Variants in FERMT2 observed in about 807,000 individuals in gnomAD.
The protein encoded by FERMT2 is fermitin family homolog 2.
FERMT2 carries 15 observed loss-of-function variants against 82.7 expected under a neutral mutation model. That is an observed-to-expected ratio of 0.18 (90% CI 0.12 to 0.28). FERMT2 has a LOEUF of 0.28. Among genes scored for constraint, FERMT2 ranks in the 10% least tolerant of loss-of-function variants. The pLI is 1.00. For synonymous variants in FERMT2, 274 were observed against 271.5 expected (o/e 1.01, Z -0.09); for missense variants, 645 against 809.4 (o/e 0.80, Z 2.46).
chr14:52,876,285 A>G (rs1885954668), intron 7 of FERMT2, among the ~76,000 whole-genome samples: 1 of 152,194 alleles, frequency 6.6e-6, no homozygotes, highest in Admixed American at 6.5e-5. Flanking sequence ...TTGTGCTGAA[A>G]TGAGATCTTA....
intron 7 of FERMT2, among the ~76,000 whole-genome samples, chr14:52,878,347 A>AT (rs922781274): frequency 8.5e-5 from 13 of 152,220 alleles, no homozygotes; most frequent in Admixed American, 7.2e-4. Context: ...AAATAGGATA[A>AT]TTTTTTTCCT....
intron 3 of FERMT2, among the ~76,000 whole-genome samples, chr14:52,912,084 G>C (rs1053082443): frequency 7.3e-5 from 11 of 151,406 alleles, no homozygotes; most frequent in Admixed American, 6.6e-4. Flanking sequence ...CGTGCTGCCA[G>C]CATGAGAAGA....
chr14:52,878,123 G>T (rs565102269), intron 7 of FERMT2, among the ~76,000 whole-genome samples: 1 of 152,172 alleles, frequency 6.6e-6, no homozygotes, highest in Non-Finnish European at 1.5e-5. Flanking sequence ...GGTTCCACTA[G>T]TCTCTCTAAA....
chr14:52,863,442 C>A (rs1382681843), intron 12 of FERMT2: 2 of 152,022 alleles, frequency 1.3e-5, no homozygotes, highest in African/African-American at 4.8e-5. Context: ...GTCTCCCCAC[C>A]CCCAAACTAA....
At chr14:52,923,764 G>C (rs1262423432) in intron 2 of FERMT2, among the ~76,000 whole-genome samples, 2 of 152,060 alleles carry the variant, frequency 1.3e-5, no homozygotes, top group African/African-American at 2.4e-5. Context: ...TTTTTACCCA[G>C]AGAAACTAGT....
intron 4 of FERMT2, among the ~76,000 whole-genome samples, chr14:52,889,210 G>A (rs997139833): frequency 2.0e-5 from 3 of 152,096 alleles, no homozygotes; most frequent in African/African-American, 4.8e-5. Context: ...TAGTGTTTTG[G>A]ACAAGAAGTT....
At chr14:52,938,522 A>G (rs1418251720) in intron 2 of FERMT2, among the ~76,000 whole-genome samples, 4 of 152,228 alleles carry the variant, frequency 2.6e-5, no homozygotes, top group Non-Finnish European at 5.9e-5. Flanking sequence ...TATGTAACCA[A>G]TAAGTTGGCC....
intron 3 of FERMT2, among the ~76,000 whole-genome samples, chr14:52,905,622 G>A (rs1391674909): frequency 4.6e-5 from 7 of 152,098 alleles, no homozygotes; most frequent in South Asian, 2.1e-4. Context: ...TGAACATTTC[G>A]AGGTGATGAG....
intron 3 of FERMT2, among the ~76,000 whole-genome samples, chr14:52,902,887 A>AAAAAAAAAAAAC (rs1417117125): frequency 6.5e-5 from 9 of 139,518 alleles, no homozygotes; most frequent in African/African-American, 1.9e-4. Context: ...AAAAAAAAAA[A>AAAAAAAAAAAAC]AAAACCCCAA....
chr14:52,870,210 G>A (rs961953106), intron 10 of FERMT2, among the ~76,000 whole-genome samples: 12 of 150,856 alleles, frequency 8.0e-5, no homozygotes, highest in African/African-American at 2.9e-4. Context: ...TCCCAGTCCT[G>A]CAAGCCCCAT....
rs1887686426 is a variant in FERMT2, at chr14:52,902,113, CCGGGCA to C, written c.392-8692_392-8687del. 2.0e-5 allele frequency among the ~76,000 whole-genome samples: 3 copies of C among 152,316 alleles called. No individual in the cohort carries two copies. The South Asian group carries it at 6.2e-4, about 32-fold the overall frequency. On this transcript the variant is annotated intron_variant, in intron 3 of 14. Coordinates refer to ENST00000341590, the MANE Select transcript of FERMT2 (RefSeq NM_006832.3). ...GGATAATATAAAAAACAATGAGAGG[CCGGGCA>C]CGGTGGCTTACGCCTGTAATCCCAG...
At chr14:52,937,822 C>T (rs936379844) in intron 2 of FERMT2, among the ~76,000 whole-genome samples, 3 of 152,158 alleles carry the variant, frequency 2.0e-5, no homozygotes, top group Non-Finnish European at 4.4e-5. Flanking sequence ...ACCTAAGGGC[C>T]TTCTTTGCTA....
At chr14:52,894,145 T>C (rs1029015505) in intron 3 of FERMT2, among the ~76,000 whole-genome samples, 1 of 152,202 alleles carries the variant, frequency 6.6e-6, no homozygotes, top group African/African-American at 2.4e-5. Flanking sequence ...CAAATTTTAA[T>C]TGATTCAAAT....
At chr14:52,885,786 T>A (rs1034973278) in intron 4 of FERMT2, among the ~76,000 whole-genome samples, 5 of 152,136 alleles carry the variant, frequency 3.3e-5, no homozygotes, top group African/African-American at 4.8e-5. Context: ...TAATACATTT[T>A]AAAAAATTTT....
chr14:52,925,668 T>A (rs1889227022), intron 2 of FERMT2, among the ~76,000 whole-genome samples: 1 of 152,068 alleles, frequency 6.6e-6, no homozygotes, highest in Non-Finnish European at 1.5e-5. Context: ...AGATGGAGTC[T>A]TGCTCTGTTG....
chr14:52,861,478 T>A (rs1290372550), intron 12 of FERMT2: 2 of 157,860 alleles, frequency 1.3e-5, no homozygotes, highest in African/African-American at 4.8e-5. Context: ...TTTAGTCAGA[T>A]AATATGATCC....
chr14:52,898,339 A>C (rs1887420345), intron 3 of FERMT2, among the ~76,000 whole-genome samples: 1 of 152,198 alleles, frequency 6.6e-6, no homozygotes, highest in Non-Finnish European at 1.5e-5. Context: ...ACAATTAAAA[A>C]TCAAATATTT....
intron 12 of FERMT2, chr14:52,863,487 G>C (rs1885081460): frequency 6.6e-6 from 1 of 152,156 alleles, no homozygotes; most frequent in Non-Finnish European, 1.5e-5. Context: ...GTTGGGGGCA[G>C]AGAATACCAG....
In FERMT2 at chr14:52,950,358, C is replaced by T. The variant is rs1003611746; in HGVS notation, c.157+54G>A. The T allele has an allele frequency of 2.5e-5, 39 of 1,577,146 alleles. No homozygotes were observed. In the South Asian group the frequency reaches 4.1e-4, roughly 17 times the overall value. ...CTCCCCCGTCGTGAGCCTCTTTCCT[C>T]CCCCTACCAATTCTGGGAAGTCATT... is the stretch of plus-strand genomic sequence containing the variant. On this transcript the variant is annotated intron_variant, in intron 2 of 14. Transcript: ENST00000341590.
Sources: allele counts gnomAD v4.1 joint callset (sites outside exome capture counted in the v4.1 genomes callset), GRCh38; gene constraint gnomAD v4.1.1; transcripts MANE v1.5; gene names NCBI Gene and HGNC (gene_info 2026-07-23, HGNC 2026-07-21).